Variants in CCDC3 observed in about 807,000 individuals in gnomAD.
CCDC3 encodes coiled-coil domain containing 3.
CCDC3 carries 24 observed loss-of-function variants against 21.4 expected under a neutral mutation model. The observed-to-expected ratio is 1.12, with a 90% CI of 0.81 to 1.58. The LOEUF (loss-of-function observed/expected upper bound fraction) is 1.58. Ranked by LOEUF, CCDC3 falls within the 40% of genes most tolerant of loss-of-function variation. The pLI, the probability that CCDC3 is intolerant of heterozygous loss-of-function variation, is 0.00. For synonymous variants in CCDC3, 186 were observed against 166.0 expected, an observed-to-expected ratio of 1.12 and a Z score of -0.93; for missense variants, 425 against 360.9, an observed-to-expected ratio of 1.18 and a Z score of -1.44.
intron 2 of CCDC3, among the ~76,000 whole-genome samples, chr10:12,905,193 A>G (rs796565326): frequency 6.6e-5 from 10 of 152,324 alleles, no homozygotes; most frequent in African/African-American, 2.2e-4. Flanking sequence ...GAAAACCCAG[A>G]GCAGTGATCA....
At chr10:12,937,853 C>CATT (rs1221147209) in intron 2 of CCDC3, among the ~76,000 whole-genome samples, 1 of 152,152 alleles carries the variant, frequency 6.6e-6, no homozygotes, top group Non-Finnish European at 1.5e-5. Context: ...ATCATTAAGC[C>CATT]ATTATTTGGC....
intron 5 of CCDC3, among the ~76,000 whole-genome samples, chr10:13,039,837 T>C (rs1026623459): frequency 3.3e-5 from 5 of 151,574 alleles, no homozygotes; most frequent in Admixed American, 6.6e-5. Flanking sequence ...GTTCTAGTTG[T>C]TACAATAACT....
intron 5 of CCDC3, among the ~76,000 whole-genome samples, chr10:13,030,100 G>A (rs1053873140): frequency 7.9e-5 from 12 of 152,134 alleles, no homozygotes; most frequent in African/African-American, 2.7e-4. Flanking sequence ...AGAAAGGTTG[G>A]GTTATCCACA....
chr10:13,061,270 A>T (rs1468347638), intron 4 of CCDC3, among the ~76,000 whole-genome samples: 1 of 152,310 alleles, frequency 6.6e-6, no homozygotes, highest in East Asian at 1.9e-4. Context: ...TCCTCACAGA[A>T]CTGCTGTTAC....
chr10:12,999,646 C>T (rs537228136), intron 1 of CCDC3, among the ~76,000 whole-genome samples: 2 of 152,308 alleles, frequency 1.3e-5, no homozygotes, highest in South Asian at 4.1e-4. Flanking sequence ...TATTTCTGCC[C>T]TAACTTTTGT....
intron 2 of CCDC3, among the ~76,000 whole-genome samples, chr10:12,914,055 A>C (rs1834310436): frequency 6.6e-6 from 1 of 152,034 alleles, no homozygotes; most frequent in Non-Finnish European, 1.5e-5. Context: ...TTCTTTTTAT[A>C]GTGTTTTTGT....
intron 4 of CCDC3, among the ~76,000 whole-genome samples, chr10:13,062,733 C>T (rs960224759): frequency 1.3e-5 from 2 of 152,132 alleles, no homozygotes; most frequent in Non-Finnish European, 2.9e-5. Flanking sequence ...AGATTGCCTT[C>T]GTAGGACTAA....
At chr10:13,041,162 A>G (rs1024077008) in intron 5 of CCDC3, among the ~76,000 whole-genome samples, 21 of 152,164 alleles carry the variant, frequency 1.4e-4, no homozygotes, top group Admixed American at 1.2e-3. Flanking sequence ...CACCCAAAGC[A>G]TAGATTCAAC....
At chr10:13,019,853 C>T (rs1000113274) in intron 5 of CCDC3, among the ~76,000 whole-genome samples, 6 of 151,678 alleles carry the variant, frequency 4.0e-5, no homozygotes, top group African/African-American at 1.2e-4. Flanking sequence ...AAAATTAGCC[C>T]GGTGTGGTAG....
At chr10:13,086,654 G>A (rs1181318478) in intron 3 of CCDC3, among the ~76,000 whole-genome samples, 1 of 152,104 alleles carries the variant, frequency 6.6e-6, no homozygotes, top group Non-Finnish European at 1.5e-5. Context: ...CACCGTGTTA[G>A]CCAGGATGGT....
intron 2 of CCDC3, 75 bp from the exon 3 acceptor site, chr10:12,898,754 G>A (rs536357773): frequency 6.5e-7 from 1 of 1,531,256 alleles, no homozygotes. Context: ...AGTCCCAGAA[G>A]CTTCCCCGAG....
In CCDC3 at chr10:13,068,972, T is replaced by C. The variant is rs186153227; in HGVS notation, c.-270+4896A>G. Among the ~76,000 whole-genome samples, 64 of 152,332 alleles carry C rather than the reference T, an allele frequency of 4.2e-4. No individual in the cohort carries two copies. In the East Asian group the frequency reaches 9.3e-3, roughly 22 times the overall value. Reference sequence around the variant, plus strand: ...GATGAAAGGAGTATAAAAATTAATCTTGGCCGGGTGTGGTGGCTCATGCCT... The same window carrying C: ...GATGAAAGGAGTATAAAAATTAATCCTGGCCGGGTGTGGTGGCTCATGCCT... On this transcript the variant is annotated intron_variant, in intron 4 of 6. Coordinates refer to the CCDC3 transcript ENST00000378839.
chr10:12,992,764 G>A (rs558005915), intron 2 of CCDC3, among the ~76,000 whole-genome samples: 1 of 152,028 alleles, frequency 6.6e-6, no homozygotes, highest in African/African-American at 2.4e-5. Flanking sequence ...GAATTGATTC[G>A]TGCAACCAAA....
At chr10:13,085,015 C>T (rs1459447548) in intron 3 of CCDC3, among the ~76,000 whole-genome samples, 3 of 152,214 alleles carry the variant, frequency 2.0e-5, no homozygotes, top group Non-Finnish European at 4.4e-5. Context: ...CACACTTGTT[C>T]AGAACCCAGG....
chr10:12,903,741 G>A (rs1235380483), intron 2 of CCDC3, among the ~76,000 whole-genome samples: 1 of 152,230 alleles, frequency 6.6e-6, no homozygotes, highest in Admixed American at 6.5e-5. Context: ...AGATTGCCCT[G>A]GGAGCCTGCT....
chr10:13,045,435 C>T (rs1293671725), intron 5 of CCDC3, among the ~76,000 whole-genome samples: 2 of 152,062 alleles, frequency 1.3e-5, no homozygotes, highest in Non-Finnish European at 2.9e-5. Flanking sequence ...GGGCACCATC[C>T]TGGCTAACAA....
Position 13,001,642 on chromosome 10 carries a change from C to G in CCDC3, c.-72G>C, listed in dbSNP as rs933019273. ...AGCCCGCCGGCCCGGGAAGGGCAGC[C>G]CTGGGCGCTCGGCTGCTCGGGCCGC... On this transcript the variant is annotated 5_prime_UTR_variant, in exon 1 of 3. Transcript: ENST00000378825. The G allele has an allele frequency of 4.9e-6, 5 of 1,012,062 alleles. No homozygotes were observed. In the African/African-American group the frequency reaches 8.6e-5, roughly 17 times the overall value. The allele number at this position is 1,012,062 out of a possible 1,614,324, so 62.7% of individuals were successfully genotyped here.
At chr10:12,903,222 T>C (rs1279138370) in intron 2 of CCDC3, among the ~76,000 whole-genome samples, 4 of 152,166 alleles carry the variant, frequency 2.6e-5, no homozygotes, top group Admixed American at 1.3e-4. Flanking sequence ...GCTAACGCCA[T>C]AAAATAACCA....
intron 2 of CCDC3, among the ~76,000 whole-genome samples, chr10:12,903,856 A>G (rs1834129617): frequency 6.6e-6 from 1 of 152,260 alleles, no homozygotes; most frequent in South Asian, 2.1e-4. Context: ...TTGTAGAAAA[A>G]ACATTTTTTA....
Sources: allele counts gnomAD v4.1 joint callset (sites outside exome capture counted in the v4.1 genomes callset), GRCh38; gene constraint gnomAD v4.1.1; transcripts MANE v1.5; gene names NCBI Gene and HGNC (gene_info 2026-07-23, HGNC 2026-07-21).